Variants in CCDC141 observed in about 807,000 individuals in gnomAD.
CCDC141 encodes the protein coiled-coil domain-containing protein 141.
Under a neutral mutation model 181.0 loss-of-function variants are expected in CCDC141, and 168 were observed. That is an observed-to-expected ratio of 0.93 (90% confidence interval 0.82 to 1.05). CCDC141 has a LOEUF of 1.05. CCDC141 is among the 50% of genes least tolerant of loss of function. CCDC141 has a pLI of 0.00. For missense variants in CCDC141, 1,902 were observed against 1,788.5 expected (o/e 1.06, Z -1.14); for synonymous variants, 666 against 642.3 (o/e 1.04, Z -0.56).
In CCDC141 at chr2:178,967,664, A is replaced by C. The variant is rs575229057; in HGVS notation, c.527-6181T>G. 3.9e-5 allele frequency among the ~76,000 whole-genome samples: 6 copies of C among 152,352 alleles called. No individual in the cohort carries two copies. The South Asian group carries it at 1.2e-3, about 32-fold the overall frequency. ...ACAAATTGTAAAGAACATTGACACT[A>C]CGAAGAAACTGCATCAACTAACGGG... On this transcript the variant is annotated intron_variant, in intron 4 of 23. Coordinates refer to ENST00000443758, the MANE Select transcript of CCDC141 (RefSeq NM_173648.4).
At chr2:179,044,162 CAAACAA>C in intron 2 of CCDC141, among the ~76,000 whole-genome samples, 1 of 152,280 alleles carries the variant, frequency 6.6e-6, no homozygotes, top group Admixed American at 6.5e-5. Flanking sequence ...AGAGATGACA[CAAACAA>C]ATGGAAGAAC....
intron 8 of CCDC141, among the ~76,000 whole-genome samples, chr2:178,903,600 CT>C (rs1687812627): frequency 1.0e-5 from 1 of 99,402 alleles, no homozygotes; most frequent in Non-Finnish European, 1.8e-5. Context: ...ACTCTGGGGA[CT>C]GTTGTGGGGT....
At chr2:178,881,914 C>G (rs1381512921) in intron 11 of CCDC141, among the ~76,000 whole-genome samples, 14 of 87,154 alleles carry the variant, frequency 1.6e-4, no homozygotes, top group African/African-American at 5.5e-4. Context: ...CTCTCTCTCT[C>G]TCACACACAC....
At chr2:179,049,323 C>A (rs2043600046) in intron 1 of CCDC141, among the ~76,000 whole-genome samples, 1 of 152,106 alleles carries the variant, frequency 6.6e-6, no homozygotes, top group African/African-American at 2.4e-5. Context: ...ATGTCAAAAC[C>A]AGTGTGGCAA....
At chr2:178,822,649 C>T in the CCDC141 span, among the ~76,000 whole-genome samples, 1 of 152,062 alleles carries the variant, frequency 6.6e-6, no homozygotes, top group East Asian at 1.9e-4. Flanking sequence ...TACATGATAA[C>T]CTCAACAAAA....
At chr2:178,946,570 G>A (rs1689742201) in intron 5 of CCDC141, among the ~76,000 whole-genome samples, 1 of 152,106 alleles carries the variant, frequency 6.6e-6, no homozygotes, top group East Asian at 1.9e-4. Context: ...TATAGAATCA[G>A]AGTGGATGAA....
chr2:178,933,685 T>C (rs773515051), intron 6 of CCDC141, among the ~76,000 whole-genome samples: 15 of 152,182 alleles, frequency 9.9e-5, no homozygotes, highest in Non-Finnish European at 2.1e-4. Context: ...TCCAAGGTAA[T>C]CTCCTAAAAT....
intron 17 of CCDC141, among the ~76,000 whole-genome samples, chr2:178,863,460 G>A (rs1217376016): frequency 5.3e-5 from 8 of 152,120 alleles, no homozygotes; most frequent in South Asian, 2.1e-4. Flanking sequence ...TTAATTTTAC[G>A]TAAGTTTTAA....
At chr2:178,919,658 T>C (rs1422095241) in intron 6 of CCDC141, among the ~76,000 whole-genome samples, 2 of 152,258 alleles carry the variant, frequency 1.3e-5, no homozygotes, top group Non-Finnish European at 2.9e-5. Flanking sequence ...TCAGTCTCAC[T>C]GTCAATGCAG....
chr2:178,828,286 C>G (rs7591782), downstream of CCDC141, among the ~76,000 whole-genome samples: 50,460 of 152,076 alleles, frequency 0.33, 9,436 homozygotes, highest in Non-Finnish European at 0.42. Flanking sequence ...AGCTGACACT[C>G]AGCGTCCTCA....
chr2:178,820,654 G>GA, the CCDC141 span, among the ~76,000 whole-genome samples: 2 of 152,112 alleles, frequency 1.3e-5, no homozygotes, highest in African/African-American at 4.8e-5. Flanking sequence ...AAATTGAAAT[G>GA]AAAGAATTTT....
At chr2:178,884,413 A>T (rs1221920904) in intron 11 of CCDC141, among the ~76,000 whole-genome samples, 1 of 152,096 alleles carries the variant, frequency 6.6e-6, no homozygotes, top group Non-Finnish European at 1.5e-5. Context: ...TCACATGTTT[A>T]CTTTATCTTA....
intron 2 of CCDC141, among the ~76,000 whole-genome samples, chr2:178,989,821 T>C (rs1478120324): frequency 8.6e-6 from 1 of 116,096 alleles, no homozygotes; most frequent in African/African-American, 3.3e-5. Flanking sequence ...CTAGGATAGC[T>C]ATAATCTTAA....
At chr2:178,907,850 T>C (rs149915715) in intron 7 of CCDC141, among the ~76,000 whole-genome samples, 436 of 151,394 alleles carry the variant, frequency 2.9e-3, no homozygotes, top group African/African-American at 9.5e-3. Flanking sequence ...AAAAAAAAAA[T>C]TAGCCAGGTG....
chr2:178,884,973 T>A lies in CCDC141; in HGVS notation c.1647A>T (p.Leu549=), dbSNP rs1686809795. The A allele has an allele frequency of 6.5e-7, 1 of 1,550,318 alleles. No individual in the cohort carries two copies. The highest frequency in any genetic ancestry group is 1.4e-5 in the African/African-American group (1 of 73,048). The change falls in exon 11 of 24, where the codon CTA becomes CTT. Residue 549 remains leucine, a synonymous_variant. Coordinates refer to ENST00000443758, the MANE Select transcript of CCDC141 (RefSeq NM_173648.4). The part of the protein sequence containing the change: ...KARWLAEELN[L]FGQSIDYRSQ... The stretch of plus-strand genomic sequence containing the variant: ...ATCTATAGTCAATGCTTTGGCCAAA[T>A]AGGTTTAATTCTTCTGCTAGCCATC...
chr2:178,859,122 C>T (rs1340697703), intron 17 of CCDC141, among the ~76,000 whole-genome samples: 1 of 152,168 alleles, frequency 6.6e-6, no homozygotes, highest in East Asian at 1.9e-4. Flanking sequence ...GACACATGAG[C>T]TCCCTTGACA....
chr2:178,846,149 A>G (rs1170935932), intron 21 of CCDC141, among the ~76,000 whole-genome samples: 3 of 148,520 alleles, frequency 2.0e-5, no homozygotes, highest in Non-Finnish European at 4.5e-5. Flanking sequence ...AAATCCAGAG[A>G]ATCTACACAA....
rs769095245 is a variant in CCDC141 at position 179,013,903 on chromosome 2, A to T, written c.225+33381T>A. ...AACCTGGGAGGTGGAACTTGCAGTG[A>T]ACTGCCAAGATCACACCACTGCACT... On this transcript the variant is annotated intron_variant, in intron 2 of 23. Coordinates refer to ENST00000443758, the MANE Select transcript of CCDC141 (RefSeq NM_173648.4). Among the ~76,000 whole-genome samples, 8 of 141,460 alleles carry T rather than the reference A, an allele frequency of 5.7e-5. No homozygotes were observed. The East Asian group carries it at 1.8e-3, about 31-fold the overall frequency. 92.8% of individuals were successfully genotyped at this position (141,460 alleles called of 152,430 possible).
intron 5 of CCDC141, among the ~76,000 whole-genome samples, chr2:178,958,223 T>C (rs1044436058): frequency 6.6e-6 from 1 of 152,202 alleles, no homozygotes; most frequent in Admixed American, 6.5e-5. Flanking sequence ...CCTGTCATTA[T>C]ACATTTGTTC....
Sources: allele counts gnomAD v4.1 joint callset (sites outside exome capture counted in the v4.1 genomes callset), GRCh38; gene constraint gnomAD v4.1.1; transcripts MANE v1.5; gene names NCBI Gene and HGNC (gene_info 2026-07-23, HGNC 2026-07-21).